ITK: variants seen among roughly 807,000 people sequenced by gnomAD.
ITK encodes the protein tyrosine-protein kinase ITK/TSK.
Under a neutral mutation model 87.6 loss-of-function variants are expected in ITK, and 45 were observed. That is an observed-to-expected ratio of 0.51 (90% CI 0.40 to 0.66). ITK has a LOEUF of 0.66. ITK is among the 30% of genes least tolerant of loss of function. The pLI is 0.00. For missense variants in ITK, 605 were observed against 766.3 expected (o/e 0.79, Z 2.48); for synonymous variants, 303 against 273.6 (o/e 1.11, Z -1.06).
chr5:157,232,988 A>T (rs1346128183), intron 8 of ITK, among the ~76,000 whole-genome samples: 2 of 152,210 alleles, frequency 1.3e-5, no homozygotes, highest in African/African-American at 4.8e-5. Context: ...ATCAACAGTT[A>T]TCCTCTAAAG....
chr5:157,217,642 T>TTA (rs373988560), intron 4 of ITK, among the ~76,000 whole-genome samples: 84 of 152,242 alleles, frequency 5.5e-4, no homozygotes, highest in African/African-American at 2.0e-3. Flanking sequence ...GCTTCTGGTG[T>TTA]GTACTAGAAA....
intron 1 of ITK, among the ~76,000 whole-genome samples, chr5:157,184,912 A>G (rs905607496): frequency 1.8e-4 from 28 of 152,166 alleles, no homozygotes; most frequent in African/African-American, 6.0e-4. Context: ...TGTGGGAGGC[A>G]TTATCATTTA....
intron 6 of ITK, among the ~76,000 whole-genome samples, chr5:157,225,690 C>T (rs557200244): frequency 3.9e-4 from 59 of 152,234 alleles, no homozygotes; most frequent in Middle Eastern, 3.4e-3. Flanking sequence ...CAACTCCCCT[C>T]GTCTGGAACC....
In ITK at chr5:157,222,901, C is replaced by T; in HGVS notation, c.534C>T (p.Ala178=). Residue 178 remains alanine (A), a synonymous_variant, in exon 6 of 17, where the codon GCC becomes GCT. Transcript: ENST00000422843. ...LWEPEETVVI[A]LYDYQTNDPQ... is the part of the protein sequence containing the mutation. Reference sequence around the variant, plus strand: ...AACCTGAAGAAACTGTGGTCATTGCCTTATATGACTACCAAACCAATGATC... The same window carrying T: ...AACCTGAAGAAACTGTGGTCATTGCTTTATATGACTACCAAACCAATGATC... 1 of 1,613,994 alleles carries T rather than the reference C, an allele frequency of 6.2e-7. No homozygotes were observed. Among genetic ancestry groups the T allele is most frequent in the East Asian group, 2.2e-5 (1 of 44,864 alleles).
intron 5 of ITK, among the ~76,000 whole-genome samples, chr5:157,221,808 G>A (rs1285555785): frequency 6.6e-6 from 1 of 151,974 alleles, no homozygotes; most frequent in East Asian, 1.9e-4. Context: ...CTTGTCCATA[G>A]CACCCCATTT....
intron 11 of ITK, among the ~76,000 whole-genome samples, chr5:157,243,272 GATGA>G (rs1207359560): frequency 6.6e-6 from 1 of 152,174 alleles, no homozygotes; most frequent in Non-Finnish European, 1.5e-5. Flanking sequence ...GCTCTTAATA[GATGA>G]ATGAATGAAA....
At chr5:157,235,346 A>G (rs944135516) in intron 8 of ITK, among the ~76,000 whole-genome samples, 1 of 152,154 alleles carries the variant, frequency 6.6e-6, no homozygotes, top group Non-Finnish European at 1.5e-5. Context: ...AGTTCTTCCA[A>G]TGTTGCCTCC....
Position 157,208,985 on chromosome 5 carries a change from C to G in ITK, c.235C>G (p.Pro79Ala). Reference protein sequence around the residue: ...DISIPCHYKYPFQVVHDNYLL... With the variant: ...DISIPCHYKYAFQVVHDNYLL... ...CAGCATCCCATGCCACTATAAATAC[C>G]CGTTTCAGGTAAGTCCATCAGGTGG... is the stretch of plus-strand genomic sequence containing the variant. The change falls in exon 2 of 17, where the codon CCG (proline) becomes GCG (alanine). Residue 79 changes from proline (P) to alanine (A), a missense_variant. By Grantham distance (27) the Pro-to-Ala change is conservative. This residue lies in a region of ITK where 464 missense variants were observed against 578.0 expected (regional missense o/e 0.80). Transcript: ENST00000422843. 1.2e-6 allele frequency: 2 copies of G among 1,608,964 alleles called. No homozygotes were observed. Among genetic ancestry groups the G allele is most frequent in the Non-Finnish European group, 1.7e-6 (2 of 1,175,360 alleles).
intron 1 of ITK, among the ~76,000 whole-genome samples, chr5:157,205,664 T>C (rs964442659): frequency 5.9e-5 from 9 of 152,198 alleles, no homozygotes; most frequent in African/African-American, 2.2e-4. Flanking sequence ...AGACAAACTA[T>C]ATTCCTAAAG....
Position 157,245,948 on chromosome 5 carries a change from G to A in ITK, c.1582G>A (p.Glu528Lys). The A allele has an allele frequency of 6.2e-7, 1 of 1,614,186 alleles. No individual in the cohort carries two copies. The highest frequency in any genetic ancestry group is 8.5e-7 in the Non-Finnish European group (1 of 1,180,014). The change falls in exon 15 of 17, where the codon GAG (glutamate) becomes AAG (lysine). Residue 528 changes from glutamate (E) to lysine (K), a missense_variant. Physicochemically the swap from Glu to Lys is moderately conservative, Grantham distance 56. This residue lies in a region of ITK where 70 missense variants were observed against 122.5 expected (regional missense o/e 0.57). Transcript: ENST00000422843. The part of the protein sequence containing the change: ...TKFPVKWASP[E>K]VFSFSRYSSK... ...ATTCCCGGTGAAGTGGGCATCCCCA[G>A]AGGTTTTCTCTTTCAGTCGCTATAG...
At chr5:157,226,333 T>G (rs1327844752) in intron 6 of ITK, among the ~76,000 whole-genome samples, 1 of 152,260 alleles carries the variant, frequency 6.6e-6, no homozygotes, top group Non-Finnish European at 1.5e-5. Context: ...AGTTACCATT[T>G]GTGTAGATGA....
chr5:157,200,126 A>G (rs1285765137), intron 1 of ITK, among the ~76,000 whole-genome samples: 2 of 152,210 alleles, frequency 1.3e-5, no homozygotes, highest in Non-Finnish European at 2.9e-5. Context: ...GAGAGAGAGA[A>G]ATAGTAACAT....
intron 7 of ITK, among the ~76,000 whole-genome samples, chr5:157,231,066 G>GTAC (rs1282717359): frequency 7.9e-5 from 12 of 152,120 alleles, no homozygotes; most frequent in African/African-American, 2.2e-4. Flanking sequence ...CTAGTTTCAG[G>GTAC]TGAGATCTGC....
chr5:157,207,515 G>T (rs571766745), intron 1 of ITK, among the ~76,000 whole-genome samples: 2 of 149,368 alleles, frequency 1.3e-5, no homozygotes, highest in Non-Finnish European at 3.0e-5. Context: ...AGAGTAGCTG[G>T]GATTATAGGC....
chr5:157,187,646 C>T (rs576760453), intron 1 of ITK, among the ~76,000 whole-genome samples: 3 of 152,260 alleles, frequency 2.0e-5, no homozygotes, highest in Non-Finnish European at 4.4e-5. Flanking sequence ...ATTTTAAGTG[C>T]TGGGTCAGAA....
chr5:157,245,438 A>G, intron 13 of ITK: 1 of 511,972 alleles, frequency 2.0e-6, no homozygotes, highest in Non-Finnish European at 3.5e-6. Context: ...CTATCACATC[A>G]GGTTGCATTA....
rs775005554 is a variant in ITK, at chr5:157,228,326, G to A, written c.678G>A (p.Leu226=). 1 of 1,606,250 alleles carries A rather than the reference G, an allele frequency of 6.2e-7. No homozygotes were observed. The highest frequency in any genetic ancestry group is 8.5e-7 in the Non-Finnish European group (1 of 1,173,048). ...AAGGATATGTACCAAGCAGTTATCT[G>A]GTGGAAAAATCTCCAAATAATCTGG... is the stretch of plus-strand genomic sequence containing the variant. ...GHEGYVPSSY[L]VEKSPNNLET... The change falls in exon 7 of 17, where the codon CTG becomes CTA. Residue 226 remains leucine, a synonymous_variant. Coordinates refer to ENST00000422843, the MANE Select transcript of ITK (RefSeq NM_005546.4).
chr5:157,233,983 T>TTC (rs1754725705), intron 8 of ITK, among the ~76,000 whole-genome samples: 1 of 78,852 alleles, frequency 1.3e-5, no homozygotes, highest in East Asian at 4.1e-4. Flanking sequence ...TTTTTTTTTT[T>TTC]TTTTTTTTTT....
At chr5:157,204,275 G>T (rs1276746351) in intron 1 of ITK, among the ~76,000 whole-genome samples, 1 of 152,180 alleles carries the variant, frequency 6.6e-6, no homozygotes, top group Non-Finnish European at 1.5e-5. Context: ...AAAGATCTGG[G>T]ATTGGCTGGG....
Sources: gnomAD v4.1 joint callset for allele counts (sites outside exome capture counted in the v4.1 genomes callset) on GRCh38, gnomAD v4.1.1 for gene constraint, gnomAD v4.1.1 regional missense constraint, MANE v1.5 for transcripts, NCBI Gene and HGNC (gene_info 2026-07-23, HGNC 2026-07-21) for gene names.